STAT4: variants seen among roughly 807,000 people sequenced by gnomAD.
The protein encoded by STAT4 is signal transducer and activator of transcription 4.
STAT4 carries 42 observed loss-of-function variants against 110.5 expected under a neutral mutation model. That is an observed-to-expected ratio of 0.38 (90% CI 0.30 to 0.49). The LOEUF is 0.49. Among genes scored for constraint, STAT4 ranks in the 20% least tolerant of loss-of-function variants. STAT4 has a pLI of 0.95. For missense variants in STAT4, 632 were observed against 887.9 expected, an observed-to-expected ratio of 0.71 and a Z score of 3.66; for synonymous variants, 284 against 302.2, an observed-to-expected ratio of 0.94 and a Z score of 0.63.
intron 13 of STAT4, among the ~76,000 whole-genome samples, chr2:191,057,356 A>G (rs1696727404): frequency 1.3e-5 from 2 of 152,182 alleles, no homozygotes; most frequent in African/African-American, 4.8e-5. Context: ...CATTCTTTCA[A>G]TGGCTGAATA....
At chr2:191,073,709 C>CAAAT in intron 4 of STAT4, among the ~76,000 whole-genome samples, 1 of 151,738 alleles carries the variant, frequency 6.6e-6, no homozygotes, top group Non-Finnish European at 1.5e-5. Flanking sequence ...AACAAACAAA[C>CAAAT]AAGCCCACCA....
chr2:191,136,024 C>CAAAAAA (rs1699173501), intron 3 of STAT4, among the ~76,000 whole-genome samples: 34 of 43,756 alleles, frequency 7.8e-4, no homozygotes, highest in African/African-American at 2.2e-3. Flanking sequence ...AAAAAAAAAC[C>CAAAAAA]AAAAAACAAA....
chr2:191,031,185 G>T lies in STAT4; in HGVS notation c.2112-105C>A. On this transcript the variant is annotated intron_variant, in intron 22 of 23. Transcript: ENST00000392320. This position sits in a 1 kb window ranked among gnomAD's most constrained non-coding sequence, Gnocchi z 4.8. ...CATTTCTAGGGCTTCATCTATTTGT[G>T]ACATTGAGTTATCTAATTCATCATT... is the stretch of plus-strand genomic sequence containing the variant. 8.5e-7 allele frequency: 1 copy of T among 1,181,646 alleles called. No individual in the cohort carries two copies. The highest frequency in any genetic ancestry group is 1.2e-6 in the Non-Finnish European group (1 of 809,260). The allele number at this position is 1,181,646 out of a possible 1,614,324, so 73.2% of individuals were successfully genotyped here. A position where few individuals can be genotyped will look rare whatever the true frequency, so the allele number is the denominator to read the frequency against.
rs1247910840 is a variant in STAT4, at chr2:191,066,760, T to G, written c.545-245A>C. ...AAAAACCATTCTGCACTGGGTGTTT[T>G]GTTTTGTTTTGTTTTGGTGGTGGTG... On this transcript the variant is annotated intron_variant, in intron 6 of 23. Coordinates refer to ENST00000392320, the MANE Select transcript of STAT4 (RefSeq NM_003151.4). This position sits in a 1 kb window ranked among gnomAD's most constrained non-coding sequence, Gnocchi z 4.3. Among the ~76,000 whole-genome samples, 2 of 152,044 alleles carry G rather than the reference T, an allele frequency of 1.3e-5. No individual in the cohort carries two copies. Among genetic ancestry groups the G allele is most frequent in the African/African-American group, 4.8e-5 (2 of 41,316 alleles).
chr2:191,033,507 A>C lies in STAT4; in HGVS notation c.1835T>G (p.Val612Gly). ...GTATATACCACTTTCAGAATGGTCC[A>C]CCCAGGTGAAAGTTATTCCTCCGAG... ...SHLGGITFTW[V>G]DHSESGEVRF... Residue 612 changes from valine to glycine, a missense_variant, in exon 20 of 24, where the codon GTG becomes GGG. By Grantham distance (109) the Val-to-Gly change is moderately radical. Coordinates refer to ENST00000392320, the MANE Select transcript of STAT4 (RefSeq NM_003151.4). This position sits in a 1 kb window ranked among gnomAD's most constrained non-coding sequence, Gnocchi z 6.9. The C allele has an allele frequency of 6.2e-7, 1 of 1,613,828 alleles. No homozygotes were observed. The highest frequency in any genetic ancestry group is 8.5e-7 in the Non-Finnish European group (1 of 1,179,930).
In STAT4 at chr2:191,066,386, A is replaced by G. The variant is rs975428229; in HGVS notation, c.630+44T>C. Reference sequence around the variant, plus strand: ...TTCAGTTAGTCTAAGTTTAGAAAAAAGGAGAAAAATAGGCAAAAGCCCAAA... The same window carrying G: ...TTCAGTTAGTCTAAGTTTAGAAAAAGGGAGAAAAATAGGCAAAAGCCCAAA... On this transcript the variant is annotated intron_variant, in intron 7 of 23. Coordinates refer to ENST00000392320, the MANE Select transcript of STAT4 (RefSeq NM_003151.4). The surrounding 1 kb of genome is among the most constrained non-coding windows in gnomAD (Gnocchi z 4.3). The G allele has an allele frequency of 1.3e-6, 2 of 1,527,554 alleles. No homozygotes were observed. The highest frequency in any genetic ancestry group is 2.7e-5 in the African/African-American group (2 of 73,034). 94.6% of individuals were successfully genotyped at this position (1,527,554 alleles called of 1,614,324 possible).
At chr2:191,120,020 CT>C (rs1436219982) in intron 3 of STAT4, among the ~76,000 whole-genome samples, 1 of 152,170 alleles carries the variant, frequency 6.6e-6, no homozygotes, top group South Asian at 2.1e-4. Flanking sequence ...TACTTTACCC[CT>C]ATCTCGTTCC....
At chr2:191,057,581 C>CTTTTTTTTT (rs56816363) in intron 13 of STAT4, among the ~76,000 whole-genome samples, 1 of 121,330 alleles carries the variant, frequency 8.2e-6, no homozygotes. Flanking sequence ...AATTTCTTTT[C>CTTTTTTTTT]TTTTTTTTTT....
rs1472245869 is a variant in STAT4, at chr2:191,113,951, A to G, written c.273+32662T>C. On this transcript the variant is annotated intron_variant, in intron 3 of 23. Coordinates refer to ENST00000392320, the MANE Select transcript of STAT4 (RefSeq NM_003151.4). The surrounding 1 kb of genome is among the most constrained non-coding windows in gnomAD (Gnocchi z 4.8). Reference sequence around the variant, plus strand: ...CACCACAGACAGGAGGTTCCCCTAGAGTTTATGGCTGATCAAATCTGATGT... The same window carrying G: ...CACCACAGACAGGAGGTTCCCCTAGGGTTTATGGCTGATCAAATCTGATGT... 6.6e-6 allele frequency among the ~76,000 whole-genome samples: 1 copy of G among 152,222 alleles called. No homozygotes were observed. The highest frequency in any genetic ancestry group is 1.9e-4 in the East Asian group (1 of 5,206).
At chr2:191,097,686 A>G (rs1408623771) in intron 3 of STAT4, among the ~76,000 whole-genome samples, 1 of 152,226 alleles carries the variant, frequency 6.6e-6, no homozygotes, top group Non-Finnish European at 1.5e-5. Context: ...AACCTAGGCA[A>G]TACTATTCAG....
At chr2:191,057,035 A>T (rs1235988747) in intron 13 of STAT4, among the ~76,000 whole-genome samples, 2 of 152,080 alleles carry the variant, frequency 1.3e-5, no homozygotes, top group African/African-American at 4.8e-5. Context: ...TGCCTGCCTC[A>T]GCCTCCCAAA....
rs191551384 is a variant in STAT4 at position 191,144,841 on chromosome 2, C to A, written c.273+1772G>T. 6.6e-6 allele frequency among the ~76,000 whole-genome samples: 1 copy of A among 152,230 alleles called. No homozygotes were observed. On this transcript the variant is annotated intron_variant, in intron 3 of 23. Coordinates refer to ENST00000392320, the MANE Select transcript of STAT4 (RefSeq NM_003151.4). The surrounding 1 kb of genome is among the most constrained non-coding windows in gnomAD (Gnocchi z 4.7). ...AAAAGCTCCAGACTTCCTCACAATT[C>A]CAAAAGGTAGATAATAATTATCTTT...
Position 191,150,020 on chromosome 2 carries a change from T to C in STAT4, c.-2+927A>G, listed in dbSNP as rs187938308. 6.6e-6 allele frequency among the ~76,000 whole-genome samples: 1 copy of C among 152,292 alleles called. No homozygotes were observed. The highest frequency in any genetic ancestry group is 2.4e-5 in the African/African-American group (1 of 41,566). On this transcript the variant is annotated intron_variant, in intron 1 of 23. Transcript: ENST00000392320. The surrounding 1 kb of genome is among the most constrained non-coding windows in gnomAD (Gnocchi z 6.4). ...GAATGTTCACAACACAAAGTAATGATAAATGTTTGAGGTGATGGATATGCT... is the reference window on the plus strand; with the variant it reads ...GAATGTTCACAACACAAAGTAATGACAAATGTTTGAGGTGATGGATATGCT...
At chr2:191,076,648 C>CT (rs71403210) in intron 3 of STAT4, among the ~76,000 whole-genome samples, 15,318 of 136,642 alleles carry the variant, frequency 0.11, 1,017 homozygotes, top group African/African-American at 0.19. Context: ...CAGGTTTTTT[C>CT]TTTTTTTTTT....
chr2:191,049,747 G>GA (rs1696466757), intron 14 of STAT4, among the ~76,000 whole-genome samples: 1 of 152,190 alleles, frequency 6.6e-6, no homozygotes, highest in African/African-American at 2.4e-5. Flanking sequence ...AATCACATGA[G>GA]AGATAGCCTT....
intron 3 of STAT4, among the ~76,000 whole-genome samples, chr2:191,108,425 C>T (rs945550158): frequency 1.3e-5 from 2 of 152,108 alleles, no homozygotes; most frequent in East Asian, 3.8e-4. Flanking sequence ...AGATGAACAT[C>T]CTTTTGAAAA....
At position 191,150,953 on chromosome 2, in the gene STAT4, C is replaced by T. The variant is rs922123771; in HGVS notation, c.-8G>A. On this transcript the variant is annotated 5_prime_UTR_variant, in exon 1 of 24. Transcript: ENST00000392320. This position sits in a 1 kb window ranked among gnomAD's most constrained non-coding sequence, Gnocchi z 6.4. ...GTGTGGTCTGGCCACTTACCTAGCG[C>T]TCTCTCAGCACAGGTCCCAGGCAGT... The T allele has an allele frequency of 3.0e-6, 3 of 985,730 alleles. No homozygotes were observed. In the African/African-American group the frequency reaches 5.2e-5, roughly 17 times the overall value. 61.1% of individuals were successfully genotyped at this position (985,730 alleles called of 1,614,324 possible).
chr2:191,030,889 T>G lies in STAT4; in HGVS notation c.2220+83A>C. 1 of 1,260,386 alleles carries G rather than the reference T, an allele frequency of 7.9e-7. No individual in the cohort carries two copies. The highest frequency in any genetic ancestry group is 1.2e-6 in the Non-Finnish European group (1 of 865,384). The allele number at this position is 1,260,386 out of a possible 1,614,324, so 78.1% of individuals were successfully genotyped here. A position where few individuals can be genotyped will look rare whatever the true frequency, so the allele number is the denominator to read the frequency against. On this transcript the variant is annotated intron_variant, in intron 23 of 23. Coordinates refer to ENST00000392320, the MANE Select transcript of STAT4 (RefSeq NM_003151.4). This position sits in a 1 kb window ranked among gnomAD's most constrained non-coding sequence, Gnocchi z 4.4. ...ATGTGTTTTCTCCCTACCCAGGCAGTATTTCAGCCCCTTTGATTCACACAC... is the reference window on the plus strand; with the variant it reads ...ATGTGTTTTCTCCCTACCCAGGCAGGATTTCAGCCCCTTTGATTCACACAC...
At chr2:191,092,927 T>C (rs1450324605) in intron 3 of STAT4, among the ~76,000 whole-genome samples, 1 of 152,182 alleles carries the variant, frequency 6.6e-6, no homozygotes, top group Non-Finnish European at 1.5e-5. Context: ...CCCATGCCCA[T>C]GGAGCCTTGC....
Sources: allele counts gnomAD v4.1 joint callset (sites outside exome capture counted in the v4.1 genomes callset), GRCh38; gene constraint gnomAD v4.1.1; non-coding constraint Gnocchi (gnomAD v3.1); transcripts MANE v1.5; gene names NCBI Gene and HGNC (gene_info 2026-07-23, HGNC 2026-07-21).